The following ZSCAN9 variants were observed in gnomAD, a reference collection of about 807,000 sequenced individuals.
The protein encoded by ZSCAN9 is zinc finger and SCAN domain-containing protein 9.
In ZSCAN9, 19 loss-of-function variants were observed where a neutral mutation model predicts 23.0. The observed-to-expected ratio is 0.83, with a 90% CI of 0.58 to 1.21. ZSCAN9 has a LOEUF of 1.21. ZSCAN9 is among the 50% of genes most tolerant of loss of function. The pLI, the probability that ZSCAN9 is intolerant of heterozygous loss-of-function variation, is 0.00. For synonymous variants in ZSCAN9, 155 were observed against 164.8 expected (o/e 0.94, Z 0.46); for missense variants, 467 against 471.5 (o/e 0.99, Z 0.09).
rs1479944459 is a variant in ZSCAN9, at chr6:28,227,337, G to T, written c.253G>T (p.Val85Leu). ...ELCYQWLRPH[V>L]STKEQILDLL... The stretch of plus-strand genomic sequence containing the variant: ...TTGCTACCAGTGGTTGAGGCCACAT[G>T]TGAGCACAAAGGAGCAGATTTTGGA... Residue 85 changes from valine (V) to leucine (L), a missense_variant, in exon 2 of 4, where the codon GTG becomes TTG. By Grantham distance (32) the Val-to-Leu change is conservative. Coordinates refer to ENST00000252207, the MANE Select transcript of ZSCAN9 (RefSeq NM_006299.5). 1 of 1,614,230 alleles carries T rather than the reference G, an allele frequency of 6.2e-7. No individual in the cohort carries two copies. The highest frequency in any genetic ancestry group is 1.1e-5 in the South Asian group (1 of 91,084).
chr6:28,233,090 A>G lies in ZSCAN9; in HGVS notation c.1097A>G (p.His366Arg). Reference sequence around the variant, plus strand: ...AGAAGCCACACAGGGGAGCGACCTCACCAGTGCATTGAATGTGGGAAAAGC... The same window carrying G: ...AGAAGCCACACAGGGGAGCGACCTCGCCAGTGCATTGAATGTGGGAAAAGC... ...HQRSHTGERPHQCIECGKSFN... is the reference protein window; with the variant it reads ...HQRSHTGERPRQCIECGKSFN... The change falls in exon 4 of 4, where the codon CAC becomes CGC. Residue 366 changes from histidine (H) to arginine (R), a missense_variant. Physicochemically the swap from His to Arg is conservative, Grantham distance 29. Coordinates refer to ENST00000252207, the MANE Select transcript of ZSCAN9 (RefSeq NM_006299.5). The G allele has an allele frequency of 6.2e-7, 1 of 1,614,150 alleles. No individual in the cohort carries two copies.
chr6:28,227,585 G>A (rs563409698), intron 2 of ZSCAN9, 81 bp downstream of exon 2: 2 of 1,567,076 alleles, frequency 1.3e-6, no homozygotes, highest in East Asian at 4.5e-5. Context: ...GTGTCTCCTT[G>A]ACATTGGTGA....
chr6:28,227,840 G>A lies in ZSCAN9; in HGVS notation c.568+3G>A. The stretch of plus-strand genomic sequence containing the variant: ...GTGCCATTCTATTGGAGAGACAGGT[G>A]AGGGACAGCATTTATTTGATGTTGA... On this transcript the variant is annotated splice_donor_region_variant and intron_variant, in intron 3 of 3. Transcript: ENST00000252207. The A allele has an allele frequency of 1.9e-6, 3 of 1,613,472 alleles. No homozygotes were observed. Among genetic ancestry groups the A allele is most frequent in the Non-Finnish European group, 2.5e-6 (3 of 1,179,852 alleles).
At chr6:28,226,967 G>C in intron 1 of ZSCAN9, 45 bp from the exon 2 acceptor site, 1 of 822,266 alleles carries the variant, frequency 1.2e-6, no homozygotes, top group South Asian at 2.0e-5. Context: ...TCTGTCATCA[G>C]CTATTATCAT....
chr6:28,231,780 A>G (rs1314985309), intron 3 of ZSCAN9, among the ~76,000 whole-genome samples: 2 of 152,062 alleles, frequency 1.3e-5, no homozygotes, highest in African/African-American at 4.8e-5. Flanking sequence ...CATGTAGTAT[A>G]TTTGAACTGT....
chr6:28,230,259 T>G, intron 3 of ZSCAN9: 1 of 1,298,866 alleles, frequency 7.7e-7, no homozygotes, highest in Non-Finnish European at 1.0e-6. Flanking sequence ...GTCATGAAAG[T>G]TGTATAAATG....
chr6:28,231,380 G>A (rs1464139278), intron 3 of ZSCAN9, among the ~76,000 whole-genome samples: 1 of 152,162 alleles, frequency 6.6e-6, no homozygotes, highest in Non-Finnish European at 1.5e-5. Context: ...GAAGACTCAT[G>A]TCCTGGGTGA....
In ZSCAN9 at chr6:28,232,904, A is replaced by G; in HGVS notation, c.911A>G (p.His304Arg). ...GGTCTTTTTAATCACCGAGGAATCCACAATATACAGAAACGGTACCACTGC... is the reference window on the plus strand; with the variant it reads ...GGTCTTTTTAATCACCGAGGAATCCGCAATATACAGAAACGGTACCACTGC... ...SSGLFNHRGI[H>R]NIQKRYHCKE... is the part of the protein sequence containing the mutation. Residue 304 changes from histidine (H) to arginine (R), a missense_variant, in exon 4 of 4, where the codon CAC (histidine) becomes CGC (arginine). Transcript: ENST00000252207. 6.2e-7 allele frequency: 1 copy of G among 1,614,194 alleles called. No homozygotes were observed. Among genetic ancestry groups the G allele is most frequent in the South Asian group, 1.1e-5 (1 of 91,072 alleles).
intron 3 of ZSCAN9, among the ~76,000 whole-genome samples, chr6:28,229,842 G>A (rs1256601473): frequency 2.0e-5 from 3 of 151,334 alleles, no homozygotes; most frequent in East Asian, 3.9e-4. Context: ...CCATATATAT[G>A]TATCTTCCCA....
chr6:28,227,870 A>G, intron 3 of ZSCAN9, 33 bp downstream of exon 3: 1 of 1,612,574 alleles, frequency 6.2e-7, no homozygotes, highest in Non-Finnish European at 8.5e-7. Context: ...TGTTGAACGA[A>G]TCCCACCTGG....
chr6:28,231,692 T>C (rs1760305431), intron 3 of ZSCAN9, among the ~76,000 whole-genome samples: 1 of 148,606 alleles, frequency 6.7e-6, no homozygotes, highest in South Asian at 2.1e-4. Context: ...AAGCGGAGAT[T>C]ACAGTGAGCC....
intron 3 of ZSCAN9, chr6:28,228,278 A>C: frequency 2.0e-6 from 1 of 512,224 alleles, no homozygotes; most frequent in South Asian, 3.0e-5. Flanking sequence ...AGAATACCAC[A>C]GACTGGTTGT....
chr6:28,230,184 A>G (rs938041296), intron 3 of ZSCAN9, among the ~76,000 whole-genome samples: 7 of 152,146 alleles, frequency 4.6e-5, no homozygotes, highest in African/African-American at 1.7e-4. Flanking sequence ...CTTTAAAGAG[A>G]TGGGATAATA....
In ZSCAN9 at chr6:28,227,315, C is replaced by T. The variant is rs554920046; in HGVS notation, c.231C>T (p.Cys77=). ...REALTRLQEL[C]YQWLRPHVST... ...CTCTTACTCGACTCCAGGAACTTTG[C>T]TACCAGTGGTTGAGGCCACATGTGA... is the stretch of plus-strand genomic sequence containing the variant. The change falls in exon 2 of 4, where the codon TGC becomes TGT. Residue 77 remains cysteine, a synonymous_variant. Transcript: ENST00000252207. The T allele has an allele frequency of 8.5e-5, 137 of 1,614,254 alleles. No homozygotes were observed. In the East Asian group the frequency reaches 2.9e-3, roughly 34 times the overall value.
intron 1 of ZSCAN9, among the ~76,000 whole-genome samples, chr6:28,226,037 C>T (rs1210724639): frequency 6.6e-6 from 1 of 152,234 alleles, no homozygotes; most frequent in African/African-American, 2.4e-5. Context: ...GAAAACTTTT[C>T]CCTTGGGCTT....
In ZSCAN9 at chr6:28,233,330, T is replaced by A; in HGVS notation, c.*152T>A. The A allele has an allele frequency of 7.4e-7, 1 of 1,349,510 alleles. No individual in the cohort carries two copies. The highest frequency in any genetic ancestry group is 9.8e-7 in the Non-Finnish European group (1 of 1,019,108). The allele number at this position is 1,349,510 out of a possible 1,614,324, so 83.6% of individuals were successfully genotyped here. A position where few individuals can be genotyped will look rare whatever the true frequency, so the allele number is the denominator to read the frequency against. On this transcript the variant is annotated 3_prime_UTR_variant, in exon 4 of 4. Transcript: ENST00000252207. ...GGGACTTCCTTAAAGGAAAGTTGGG[T>A]GTTTGAAGCTACTGTTTTCTCTTTT...
At chr6:28,230,433 C>G (rs760346389) in intron 3 of ZSCAN9, 1 of 1,535,918 alleles carries the variant, frequency 6.5e-7, no homozygotes, top group South Asian at 1.2e-5. Flanking sequence ...CTGTTGTGAT[C>G]CCCCAGCTAA....
chr6:28,227,246 C>G lies in ZSCAN9; in HGVS notation c.162C>G (p.His54Gln), dbSNP rs1053554127. ...TGGCAAGGGAAATCTTCCGAAGGCA[C>G]TTTCGACAGCTGTGCTACCAAGAGA... is the stretch of plus-strand genomic sequence containing the variant. Reference protein sequence around the residue: ...NPLAREIFRRHFRQLCYQETP... With the variant: ...NPLAREIFRRQFRQLCYQETP... Residue 54 changes from histidine to glutamine, a missense_variant, in exon 2 of 4, where the codon CAC (histidine) becomes CAG (glutamine). Physicochemically the swap from His to Gln is conservative, Grantham distance 24 (BLOSUM62 0). Coordinates refer to ENST00000252207, the MANE Select transcript of ZSCAN9 (RefSeq NM_006299.5). 5 of 1,614,122 alleles carry G rather than the reference C, an allele frequency of 3.1e-6. No homozygotes were observed. The African/African-American group carries it at 6.7e-5, about 22-fold the overall frequency.
At chr6:28,231,310 A>G (rs1407724386) in intron 3 of ZSCAN9, among the ~76,000 whole-genome samples, 1 of 152,196 alleles carries the variant, frequency 6.6e-6, no homozygotes, top group Non-Finnish European at 1.5e-5. Flanking sequence ...CATAACCAAG[A>G]TGGCTACTAT....
Sources: allele counts gnomAD v4.1 joint callset (sites outside exome capture counted in the v4.1 genomes callset), GRCh38; gene constraint gnomAD v4.1.1; transcripts MANE v1.5; gene names NCBI Gene and HGNC (gene_info 2026-07-23, HGNC 2026-07-21).